Variants in NHSL1 observed in about 807,000 individuals in gnomAD.
The protein encoded by NHSL1 is NHS-like protein 1.
In NHSL1, 48 loss-of-function variants were observed where a neutral mutation model predicts 95.0. The observed-to-expected ratio is 0.51, with a 90% CI of 0.40 to 0.64. The LOEUF is 0.64. Among genes scored for constraint, NHSL1 ranks in the 30% least tolerant of loss-of-function variants. The pLI is 0.00. For missense variants in NHSL1, 1,971 were observed against 2,077.7 expected (o/e 0.95, Z 1.00); for synonymous variants, 783 against 833.9 (o/e 0.94, Z 1.05).
At chr6:138,671,158 A>T (rs769261136) in intron 1 of NHSL1, among the ~76,000 whole-genome samples, 14 of 152,060 alleles carry the variant, frequency 9.2e-5, no homozygotes, top group Admixed American at 1.3e-4. Flanking sequence ...CTATCTCTAA[A>T]AAATAAAATA....
At chr6:138,486,284 C>T (rs1779724742) in intron 2 of NHSL1, among the ~76,000 whole-genome samples, 1 of 152,152 alleles carries the variant, frequency 6.6e-6, no homozygotes, top group Admixed American at 6.5e-5. Context: ...CTGTTGGCAT[C>T]ATTCACTCAC....
intron 1 of NHSL1, among the ~76,000 whole-genome samples, chr6:138,608,303 A>G (rs1784461741): frequency 6.6e-6 from 1 of 152,240 alleles, no homozygotes. Flanking sequence ...CCAACGAGAT[A>G]GCCTCAAGAT....
intron 1 of NHSL1, among the ~76,000 whole-genome samples, chr6:138,595,194 T>C (rs1784287519): frequency 6.6e-6 from 1 of 152,216 alleles, no homozygotes; most frequent in Non-Finnish European, 1.5e-5. Flanking sequence ...CTAAATAATA[T>C]TTACTTAAGC....
intron 1 of NHSL1, among the ~76,000 whole-genome samples, chr6:138,538,439 C>T (rs997765216): frequency 7.9e-5 from 12 of 152,174 alleles, no homozygotes; most frequent in African/African-American, 2.7e-4. Flanking sequence ...AGTTTCCCCA[C>T]GTGATCTTCT....
intron 1 of NHSL1, among the ~76,000 whole-genome samples, chr6:138,533,504 C>T (rs1378077080): frequency 3.9e-5 from 6 of 152,092 alleles, no homozygotes; most frequent in Admixed American, 1.3e-4. Context: ...GCCGAGATCA[C>T]GCCACTGCAC....
chr6:138,667,427 T>C (rs1294739359), intron 1 of NHSL1, among the ~76,000 whole-genome samples: 1 of 152,172 alleles, frequency 6.6e-6, no homozygotes, highest in Non-Finnish European at 1.5e-5. Flanking sequence ...TCTGAGACAA[T>C]GCAAAATTCA....
At chr6:138,611,128 T>C (rs1223943939) in intron 1 of NHSL1, among the ~76,000 whole-genome samples, 1 of 150,892 alleles carries the variant, frequency 6.6e-6, no homozygotes, top group Non-Finnish European at 1.5e-5. Flanking sequence ...ATCTCTGAAT[T>C]GGGGTCATTT....
chr6:138,575,592 C>T (rs1379448294), upstream of NHSL1, among the ~76,000 whole-genome samples: 1 of 152,194 alleles, frequency 6.6e-6, no homozygotes, highest in Non-Finnish European at 1.5e-5. Flanking sequence ...ATTAAATCTT[C>T]ATTTATCTAA....
Position 138,613,621 on chromosome 6 carries a change from G to A in NHSL1, c.96+78855C>T, listed in dbSNP as rs140221184. On this transcript the variant is annotated intron_variant, in intron 1 of 3. Coordinates refer to the NHSL1 transcript ENST00000491526. The stretch of plus-strand genomic sequence containing the variant: ...CCACCTGTCCAGTCCCACGTCTTGC[G>A]GATAAACGGACTGCCCTGCATCCTG... Among the ~76,000 whole-genome samples, 54 of 152,272 alleles carry A rather than the reference G, an allele frequency of 3.5e-4. 1 individual carries two copies. In the East Asian group the frequency reaches 8.7e-3, roughly 24 times the overall value.
Position 138,423,841 on chromosome 6 carries a change from C to G in NHSL1, c.*240G>C. The stretch of plus-strand genomic sequence containing the variant: ...AAAAAAAAAAAAAAAAAAAAAAAAT[C>G]TTCCCCGGGAAGCACTTTCAGAAGT... On this transcript the variant is annotated 3_prime_UTR_variant, in exon 8 of 8. Transcript: ENST00000343505. 2.8e-5 allele frequency: 6 copies of G among 213,828 alleles called. No homozygotes were observed. Among genetic ancestry groups the G allele is most frequent in the East Asian group, 8.1e-5 (1 of 12,342 alleles). The allele number at this position is 213,828 out of a possible 1,614,324, so 13.2% of individuals were successfully genotyped here.
intron 2 of NHSL1, among the ~76,000 whole-genome samples, chr6:138,492,932 A>C (rs1273195890): frequency 2.0e-5 from 3 of 152,214 alleles, no homozygotes; most frequent in African/African-American, 7.2e-5. Flanking sequence ...AGGTTGAATG[A>C]ACTTAGACTG....
Position 138,521,692 on chromosome 6 carries a change from A to G in NHSL1, c.16+23931T>C, listed in dbSNP as rs117894012. The stretch of plus-strand genomic sequence containing the variant: ...TTAGAGTTTTTTGCTGAAGGTGCCT[A>G]AGTGCAGGCTGGTGGTGCTATTTAT... On this transcript the variant is annotated intron_variant, in intron 1 of 4. Transcript: ENST00000342260. Among the ~76,000 whole-genome samples, 949 of 152,284 alleles carry G rather than the reference A, an allele frequency of 6.2e-3. 23 individuals carry two copies. Among genetic ancestry groups the G allele is most frequent in the Admixed American group, 0.048 (737 of 15,286 alleles).
intron 2 of NHSL1, among the ~76,000 whole-genome samples, chr6:138,488,396 C>T (rs1163067819): frequency 2.0e-5 from 3 of 152,172 alleles, no homozygotes; most frequent in African/African-American, 4.8e-5. Flanking sequence ...AACTCAGCTG[C>T]AAGTGCTAAA....
intron 1 of NHSL1, among the ~76,000 whole-genome samples, chr6:138,529,844 G>A (rs1449285848): frequency 9.9e-5 from 15 of 152,162 alleles, no homozygotes; most frequent in African/African-American, 3.1e-4. Context: ...CTTGGGTAAG[G>A]TCATTGATTA....
rs377310631 is a variant in NHSL1 at position 138,430,889 on chromosome 6, A to C, written c.3456T>G (p.Ser1152Arg). The C allele has an allele frequency of 1.4e-5, 22 of 1,551,314 alleles. No individual in the cohort carries two copies. In the African/African-American group the frequency reaches 2.1e-4, roughly 14 times the overall value. The change falls in exon 6 of 8, where the codon AGT becomes AGG. Residue 1152 changes from serine to arginine, a missense_variant. Transcript: ENST00000343505. This position sits in a 1 kb window ranked among gnomAD's most constrained non-coding sequence, Gnocchi z 4.7. ...AKSSSQGDHG[S>R]AAERGGPVSR... Reference sequence around the variant, plus strand: ...TCACAGGGCCACCACGCTCAGCCGCACTGCCATGGTCACCCTGACTCGAGC... The same window carrying C: ...TCACAGGGCCACCACGCTCAGCCGCCCTGCCATGGTCACCCTGACTCGAGC...
At chr6:138,563,783 C>T (rs1783501268) in intron 1 of NHSL1, among the ~76,000 whole-genome samples, 2 of 152,122 alleles carry the variant, frequency 1.3e-5, no homozygotes, top group South Asian at 2.1e-4. Context: ...TAAGGCTTAG[C>T]TATTCAACTC....
chr6:138,435,532 G>T (rs1776019784), intron 5 of NHSL1, among the ~76,000 whole-genome samples: 1 of 151,916 alleles, frequency 6.6e-6, no homozygotes, highest in Non-Finnish European at 1.5e-5. Flanking sequence ...ACCTTAAAAA[G>T]CATATGAAAA....
chr6:138,589,861 C>G (rs1342513169), intron 1 of NHSL1, among the ~76,000 whole-genome samples: 2 of 152,164 alleles, frequency 1.3e-5, no homozygotes, highest in East Asian at 1.9e-4. Context: ...CTTCCTTGGC[C>G]CTTGCACCTT....
At chr6:138,623,865 T>C (rs548486661) in intron 1 of NHSL1, among the ~76,000 whole-genome samples, 2 of 152,300 alleles carry the variant, frequency 1.3e-5, no homozygotes, top group Admixed American at 6.5e-5. Context: ...GCTCTCGTGA[T>C]AGTGAGTGAG....
Sources: gnomAD v4.1 joint callset for allele counts (sites outside exome capture counted in the v4.1 genomes callset) on GRCh38, gnomAD v4.1.1 for gene constraint, Gnocchi (gnomAD v3.1) non-coding constraint, MANE v1.5 for transcripts, NCBI Gene and HGNC (gene_info 2026-07-23, HGNC 2026-07-21) for gene names.